The following HSD17B4 variants were observed in gnomAD, a reference collection of about 807,000 sequenced individuals.
HSD17B4 encodes the protein hydroxysteroid 17-beta dehydrogenase 4.
A neutral mutation model predicts 101.0 loss-of-function variants in HSD17B4; 70 were observed. The observed-to-expected ratio is 0.69, with a 90% CI of 0.57 to 0.85. The LOEUF (loss-of-function observed/expected upper bound fraction) is 0.85, where lower values mean the gene tolerates loss of function less well. HSD17B4 is among the 40% of genes least tolerant of loss of function. HSD17B4 has a pLI of 0.00. For missense variants in HSD17B4, 984 were observed against 892.4 expected (o/e 1.10, Z -1.31); for synonymous variants, 347 against 297.1 (o/e 1.17, Z -1.73).
rs1753909113 is a variant in HSD17B4 at position 119,529,884 on chromosome 5, T to A, written c.1768-10T>A. 2 of 1,514,404 alleles carry A rather than the reference T, an allele frequency of 1.3e-6. No homozygotes were observed. The highest frequency in any genetic ancestry group is 1.8e-6 in the Non-Finnish European group (2 of 1,090,672). The allele number at this position is 1,514,404 out of a possible 1,614,324, so 93.8% of individuals were successfully genotyped here. A position where few individuals can be genotyped will look rare whatever the true frequency, so the allele number is the denominator to read the frequency against. ...CAGAATAAATCTTTTTTTTTTCTTCTCCTCCTAAGGTCCAAGAAACTGGAG... is the reference window on the plus strand; with the variant it reads ...CAGAATAAATCTTTTTTTTTTCTTCACCTCCTAAGGTCCAAGAAACTGGAG... On this transcript the variant is annotated splice_polypyrimidine_tract_variant and intron_variant, in intron 20 of 23. Coordinates refer to ENST00000510025, the MANE Select transcript of HSD17B4 (RefSeq NM_000414.4).
rs181827724 is a variant in HSD17B4 at position 119,473,390 on chromosome 5, C to T, written c.113-518C>T. On this transcript the variant is annotated intron_variant, in intron 2 of 23. Coordinates refer to ENST00000510025, the MANE Select transcript of HSD17B4 (RefSeq NM_000414.4). ...CTGGAGTGCAGTGGCATGATCATAG[C>T]TCACTGCAGCCTTGATTTCCCAGGT... Among the ~76,000 whole-genome samples, 156 of 140,932 alleles carry T rather than the reference C, an allele frequency of 1.1e-3. 1 individual carries two copies. Among genetic ancestry groups the T allele is most frequent in the Admixed American group, 5.0e-3 (66 of 13,182 alleles). 92.5% of individuals were successfully genotyped at this position (140,932 alleles called of 152,430 possible). A position where few individuals can be genotyped will look rare whatever the true frequency, so the allele number is the denominator to read the frequency against.
At chr5:119,490,728 C>G (rs1423551287) in intron 9 of HSD17B4, among the ~76,000 whole-genome samples, 2 of 152,072 alleles carry the variant, frequency 1.3e-5, no homozygotes, top group African/African-American at 2.4e-5. Context: ...ACCACCAAAC[C>G]CAGCTAATTT....
chr5:119,491,931 G>C (rs764135206), intron 9 of HSD17B4, among the ~76,000 whole-genome samples, 169 bp from the exon 10 acceptor site: 6 of 152,142 alleles, frequency 3.9e-5, no homozygotes, highest in Admixed American at 1.3e-4. Context: ...AACATGAGCA[G>C]TGCAAAGTCA....
At chr5:119,470,882 G>C (rs991571582) in intron 2 of HSD17B4, among the ~76,000 whole-genome samples, 1 of 152,204 alleles carries the variant, frequency 6.6e-6, no homozygotes, top group Non-Finnish European at 1.5e-5. Context: ...GGATTGCTGA[G>C]TGGGTCAGTG....
intron 11 of HSD17B4, 31 bp downstream of exon 11, chr5:119,493,977 T>G: frequency 1.2e-6 from 2 of 1,611,338 alleles, no homozygotes; most frequent in Non-Finnish European, 1.7e-6. Flanking sequence ...TTAGCCCTGG[T>G]TGGGGAATCA....
chr5:119,492,687 A>G (rs1750222139), intron 10 of HSD17B4: 1 of 152,168 alleles, frequency 6.6e-6, no homozygotes, highest in Non-Finnish European at 1.5e-5. Context: ...TTTAGATAGT[A>G]AAATTATTTT....
intron 6 of HSD17B4, 102 bp from the exon 7 acceptor site, chr5:119,477,315 A>G (rs1432348937): frequency 4.8e-6 from 4 of 832,714 alleles, no homozygotes; most frequent in Non-Finnish European, 5.9e-6. Context: ...TACATTAGGT[A>G]TAAAATGAAC....
At chr5:119,535,227 C>T (rs894354227) in intron 22 of HSD17B4, among the ~76,000 whole-genome samples, 4 of 151,826 alleles carry the variant, frequency 2.6e-5, no homozygotes, top group African/African-American at 9.7e-5. Flanking sequence ...CAACAAAGAT[C>T]AATATCAGGA....
In HSD17B4 at chr5:119,506,843, T is replaced by G; in HGVS notation, c.1287T>G (p.Val429=). The change falls in exon 15 of 24, where the codon GTT becomes GTG. Residue 429 remains valine (V), a synonymous_variant. Transcript: ENST00000510025. ...RAGKLKCEAV[V]ADVLDKGSGV... ...GAAAATTAAAATGTGAAGCAGTTGTTGCTGATGTCCTAGATAAAGGATCCG... is the reference window on the plus strand; with the variant it reads ...GAAAATTAAAATGTGAAGCAGTTGTGGCTGATGTCCTAGATAAAGGATCCG... 1 of 1,587,988 alleles carries G rather than the reference T, an allele frequency of 6.3e-7. No individual in the cohort carries two copies. The highest frequency in any genetic ancestry group is 8.6e-7 in the Non-Finnish European group (1 of 1,157,172).
chr5:119,541,062 C>A lies in HSD17B4; in HGVS notation c.2122-843C>A, dbSNP rs951555558. On this transcript the variant is annotated intron_variant, in intron 23 of 23. Transcript: ENST00000510025. Reference sequence around the variant, plus strand: ...TTTTTCACTTCATATTTTATGTAAGCTATAAAAACTATGATTGATTATTTT... The same window carrying A: ...TTTTTCACTTCATATTTTATGTAAGATATAAAAACTATGATTGATTATTTT... 2.6e-5 allele frequency among the ~76,000 whole-genome samples: 4 copies of A among 152,122 alleles called. No individual in the cohort carries two copies. The South Asian group carries it at 8.3e-4, about 32-fold the overall frequency.
At chr5:119,466,187 A>C (rs1755792083) in intron 2 of HSD17B4, among the ~76,000 whole-genome samples, 1 of 152,096 alleles carries the variant, frequency 6.6e-6, no homozygotes, top group South Asian at 2.1e-4. Context: ...TTATCTTCTA[A>C]TTGGATTCAG....
chr5:119,539,985 T>C (rs370312758), intron 23 of HSD17B4, among the ~76,000 whole-genome samples: 1 of 151,014 alleles, frequency 6.6e-6, no homozygotes, highest in Non-Finnish European at 1.5e-5. Flanking sequence ...CCCAGCTACT[T>C]GAGAGGCTGA....
intron 13 of HSD17B4, among the ~76,000 whole-genome samples, chr5:119,501,805 C>T (rs773639431): frequency 4.6e-5 from 7 of 152,076 alleles, no homozygotes; most frequent in South Asian, 4.1e-4. Context: ...GCTTTATGAA[C>T]GCCAAGAAAG....
chr5:119,521,393 G>C (rs1345448228), intron 17 of HSD17B4, among the ~76,000 whole-genome samples: 1 of 151,988 alleles, frequency 6.6e-6, no homozygotes, highest in Non-Finnish European at 1.5e-5. Context: ...TTATATACCT[G>C]GTGGGCCTTT....
intron 1 of HSD17B4, among the ~76,000 whole-genome samples, chr5:119,455,020 T>G (rs1754466883): frequency 6.6e-6 from 1 of 152,250 alleles, no homozygotes; most frequent in Admixed American, 6.5e-5. Flanking sequence ...GTTAATTAAA[T>G]TTATTCATTT....
At chr5:119,485,053 A>C (rs945748245) in intron 8 of HSD17B4, among the ~76,000 whole-genome samples, 2 of 152,164 alleles carry the variant, frequency 1.3e-5, no homozygotes, top group Non-Finnish European at 2.9e-5. Context: ...ATATTCATGA[A>C]CTCACTTCTC....
At chr5:119,481,978 G>T (rs1023882651) in intron 8 of HSD17B4, among the ~76,000 whole-genome samples, 2 of 151,946 alleles carry the variant, frequency 1.3e-5, no homozygotes, top group African/African-American at 4.8e-5. Context: ...GTTTGCGTAT[G>T]ATGTATTTAG....
chr5:119,516,078 A>G (rs771938053), intron 17 of HSD17B4, among the ~76,000 whole-genome samples: 1 of 152,182 alleles, frequency 6.6e-6, no homozygotes, highest in Admixed American at 6.5e-5. Context: ...TTCCTAGCAA[A>G]TAGAATTGTA....
chr5:119,531,569 G>C (rs1366841787), intron 22 of HSD17B4, among the ~76,000 whole-genome samples, 165 bp downstream of exon 22: 2 of 120,284 alleles, frequency 1.7e-5, no homozygotes, highest in African/African-American at 3.7e-5. Flanking sequence ...CCAAAGGGGG[G>C]TGTGTGTGTG....
Sources: gnomAD v4.1 joint callset for allele counts (sites outside exome capture counted in the v4.1 genomes callset) on GRCh38, gnomAD v4.1.1 for gene constraint, MANE v1.5 for transcripts, NCBI Gene and HGNC (gene_info 2026-07-23, HGNC 2026-07-21) for gene names.